Variants in DNA2 observed in about 807,000 individuals in gnomAD.
DNA2 encodes DNA replication helicase/nuclease 2.
DNA2 carries 101 observed loss-of-function variants against 119.1 expected under a neutral mutation model. The ratio of observed to expected loss-of-function variants is 0.85; its 90% CI spans 0.72 to 1.00. The LOEUF is 1.00. Ranked by LOEUF, DNA2 falls within the 50% of genes least tolerant of loss-of-function variation. The pLI, the probability that DNA2 is intolerant of heterozygous loss-of-function variation, is 0.00. For missense variants in DNA2, 1,121 were observed against 1,255.5 expected, an observed-to-expected ratio of 0.89 and a Z score of 1.62; for synonymous variants, 366 against 424.4, an observed-to-expected ratio of 0.86 and a Z score of 1.69.
intron 9 of DNA2, among the ~76,000 whole-genome samples, chr10:68,439,538 C>T (rs1000004376): frequency 6.9e-4 from 104 of 150,902 alleles, no homozygotes; most frequent in African/African-American, 2.4e-3. Flanking sequence ...CCCGTTTCTA[C>T]TAAAAATACA....
intron 7 of DNA2, among the ~76,000 whole-genome samples, chr10:68,445,872 A>G (rs562700150): frequency 6.6e-6 from 1 of 152,320 alleles, no homozygotes; most frequent in African/African-American, 2.4e-5. Flanking sequence ...CATGCCTGTA[A>G]TCCCAGCACT....
intron 9 of DNA2, among the ~76,000 whole-genome samples, chr10:68,440,084 G>C (rs1043756485): frequency 6.6e-6 from 1 of 151,892 alleles, no homozygotes; most frequent in Admixed American, 6.6e-5. Context: ...TGGGTGGACT[G>C]CTTGAGGCCA....
At chr10:68,418,736 G>A (rs1477090888) in intron 19 of DNA2, among the ~76,000 whole-genome samples, 4 of 145,284 alleles carry the variant, frequency 2.8e-5, no homozygotes, top group South Asian at 2.2e-4. Context: ...TCAATGGTAC[G>A]ATCTCGGCTC....
At chr10:68,448,075 T>C (rs865885335) in intron 6 of DNA2, among the ~76,000 whole-genome samples, 3 of 152,156 alleles carry the variant, frequency 2.0e-5, no homozygotes, top group Non-Finnish European at 4.4e-5. Context: ...AGAATTTTCT[T>C]AGAAAGCAAA....
intron 4 of DNA2, among the ~76,000 whole-genome samples, chr10:68,464,275 C>T (rs537798252): frequency 6.7e-5 from 10 of 149,360 alleles, no homozygotes; most frequent in Admixed American, 5.3e-4. Context: ...CACTTTGGGA[C>T]GCCAAGGTGG....
At position 68,468,163 on chromosome 10, in the gene DNA2, A is replaced by T. The variant is rs1226930792; in HGVS notation, c.401T>A (p.Ile134Asn). The T allele has an allele frequency of 6.2e-7, 1 of 1,608,052 alleles. No homozygotes were observed. Among genetic ancestry groups the T allele is most frequent in the East Asian group, 2.2e-5 (1 of 44,694 alleles). Reference sequence around the variant, plus strand: ...CAGGACAGCTCTTCTCATACATCGAATACTACTGGCTATGCTGGTGCCAGA... The same window carrying T: ...CAGGACAGCTCTTCTCATACATCGATTACTACTGGCTATGCTGGTGCCAGA... Reference protein sequence around the residue: ...LISGTSIASSIRCMRRAVLSE... With the variant: ...LISGTSIASSNRCMRRAVLSE... The change falls in exon 3 of 21, where the codon ATT becomes AAT. Residue 134 changes from isoleucine (I) to asparagine (N), a missense_variant. By Grantham distance (149) the Ile-to-Asn change is moderately radical. Transcript: ENST00000358410.
At chr10:68,460,778 G>A (rs2031098) in intron 4 of DNA2, among the ~76,000 whole-genome samples, 14,026 of 152,044 alleles carry the variant, frequency 0.092, 945 homozygotes, top group South Asian at 0.25. Context: ...AAGCATGGTG[G>A]TGTGAAACTA....
At chr10:68,432,132 G>A in intron 12 of DNA2, 74 bp downstream of exon 12, 1 of 1,163,618 alleles carries the variant, frequency 8.6e-7, no homozygotes, top group South Asian at 1.4e-5. Flanking sequence ...GTCTAATCAA[G>A]ATATTAGACT....
At chr10:68,453,754 C>T (rs1342758279) in intron 5 of DNA2, among the ~76,000 whole-genome samples, 1 of 152,146 alleles carries the variant, frequency 6.6e-6, no homozygotes, top group African/African-American at 2.4e-5. Flanking sequence ...CTAGAGGCAA[C>T]GGGCTATACC....
chr10:68,416,588 G>T, intron 20 of DNA2, 121 bp downstream of exon 20: 1 of 974,526 alleles, frequency 1.0e-6, no homozygotes, highest in Non-Finnish European at 1.6e-6. Context: ...CAGGAGGATC[G>T]CTTGAGCCCA....
At chr10:68,465,931 TA>T in intron 3 of DNA2, 119 bp from the exon 4 acceptor site, 1 of 951,402 alleles carries the variant, frequency 1.1e-6, no homozygotes, top group Non-Finnish European at 1.4e-6. Context: ...AATGCCAAAA[TA>T]TTAAAAAAAT....
At position 68,422,304 on chromosome 10, in the gene DNA2, T is replaced by TA. The variant is rs1564877280; in HGVS notation, c.2617dup (p.Tyr873LeufsTer3). On this transcript the variant is annotated frameshift_variant, in exon 17 of 21. Transcript: ENST00000358410. LOFTEE classifies it high-confidence loss of function. ...CCAAGGATTATCAGAATAGTCAGCA[T>TA]AAAATTCCAGTTCCAGCTTCACATC... 1 of 1,613,940 alleles carries TA rather than the reference T, an allele frequency of 6.2e-7. No individual in the cohort carries two copies. The highest frequency in any genetic ancestry group is 8.5e-7 in the Non-Finnish European group (1 of 1,179,866).
chr10:68,443,753 A>T (rs184518808), intron 8 of DNA2, among the ~76,000 whole-genome samples: 16 of 152,266 alleles, frequency 1.1e-4, no homozygotes, highest in Non-Finnish European at 1.8e-4. Flanking sequence ...GTTCGAGACC[A>T]GCCTGGGCAA....
At chr10:68,433,070 G>A (rs1325313921) in intron 10 of DNA2, among the ~76,000 whole-genome samples, 1 of 152,102 alleles carries the variant, frequency 6.6e-6, no homozygotes, top group Non-Finnish European at 1.5e-5. Flanking sequence ...TGGATATTTA[G>A]TAGGCAGTGA....
chr10:68,437,453 T>C lies in DNA2; in HGVS notation c.1416-212A>G, dbSNP rs561327137. 2.7e-5 allele frequency among the ~76,000 whole-genome samples: 4 copies of C among 150,242 alleles called. No individual in the cohort carries two copies. The South Asian group carries it at 8.4e-4, about 31-fold the overall frequency. Reference sequence around the variant, plus strand: ...ATGTTCAAGACCAGCCTGGCCAACATGGTGAAAACCCTATCTCTACTAAAA... The same window carrying C: ...ATGTTCAAGACCAGCCTGGCCAACACGGTGAAAACCCTATCTCTACTAAAA... On this transcript the variant is annotated intron_variant, in intron 9 of 20. Coordinates refer to ENST00000358410, the MANE Select transcript of DNA2 (RefSeq NM_001080449.3).
intron 6 of DNA2, among the ~76,000 whole-genome samples, chr10:68,448,951 G>GTA (rs2052077679): frequency 7.7e-6 from 1 of 129,628 alleles, no homozygotes; most frequent in Non-Finnish European, 1.6e-5. Context: ...GTGTGTGTGT[G>GTA]TGTGTGTGTG....
At chr10:68,456,501 G>A (rs1374854104) in intron 5 of DNA2, among the ~76,000 whole-genome samples, 1 of 151,970 alleles carries the variant, frequency 6.6e-6, no homozygotes, top group East Asian at 1.9e-4. Context: ...TGTAATCTCT[G>A]CCTCCTAGTT....
chr10:68,457,947 A>C (rs2052207745), intron 5 of DNA2, among the ~76,000 whole-genome samples: 1 of 151,772 alleles, frequency 6.6e-6, no homozygotes, highest in Admixed American at 6.6e-5. Flanking sequence ...CCAAGGTGGG[A>C]GGATCACTTG....
At chr10:68,448,966 T>TGCGC (rs1554907482) in intron 6 of DNA2, among the ~76,000 whole-genome samples, 1 of 131,176 alleles carries the variant, frequency 7.6e-6, no homozygotes, top group Admixed American at 7.7e-5. Flanking sequence ...TGTGTGTGTG[T>TGCGC]GCGTGTGTGT....
Sources: allele counts gnomAD v4.1 joint callset (sites outside exome capture counted in the v4.1 genomes callset), GRCh38; gene constraint gnomAD v4.1.1; transcripts MANE v1.5; gene names NCBI Gene and HGNC (gene_info 2026-07-23, HGNC 2026-07-21).